Variants in IMPA1 observed in about 807,000 individuals in gnomAD.
IMPA1 encodes D-galactose 1-phosphate phosphatase.
In IMPA1, 21 loss-of-function variants were observed where a neutral mutation model predicts 34.9. The ratio of observed to expected loss-of-function variants is 0.60; its 90% CI spans 0.43 to 0.87. The LOEUF (loss-of-function observed/expected upper bound fraction) is 0.87. Among genes scored for constraint, IMPA1 ranks in the 40% least tolerant of loss-of-function variants. IMPA1 has a pLI of 0.00. For missense variants in IMPA1, 299 were observed against 336.4 expected (o/e 0.89, Z 0.87); for synonymous variants, 95 against 104.4 (o/e 0.91, Z 0.55).
chr8:81,658,497 CTAATTA>C lies in IMPA1; in HGVS notation c.*848_*853del. 1.3e-5 allele frequency: 2 copies of C among 152,492 alleles called. No homozygotes were observed. Among genetic ancestry groups the C allele is most frequent in the Non-Finnish European group, 2.9e-5 (2 of 68,008 alleles). 9.4% of individuals were successfully genotyped at this position (152,492 alleles called of 1,614,324 possible). Reference sequence around the variant, plus strand: ...AACTTAGTAAAATGTTATATTGTATCTAATTATGTCAGATATCTGATGAGAGTGCTT... The same window carrying C: ...AACTTAGTAAAATGTTATATTGTATCTGTCAGATATCTGATGAGAGTGCTT... On this transcript the variant is annotated 3_prime_UTR_variant, in exon 9 of 9. Transcript: ENST00000256108.
rs1807521066 is a variant in IMPA1, at chr8:81,686,193, T to C, written c.-25+59A>G. 3 of 1,007,750 alleles carry C rather than the reference T, an allele frequency of 3.0e-6. No homozygotes were observed. The South Asian group carries it at 1.1e-4, about 37-fold the overall frequency. 62.4% of individuals were successfully genotyped at this position (1,007,750 alleles called of 1,614,324 possible). A position where few individuals can be genotyped will look rare whatever the true frequency, so the allele number is the denominator to read the frequency against. ...CTCCTGAGGAGGGAAGGGGCCTCCC[T>C]GGAAACCCACAGCGCCCGCTGAACC... is the stretch of plus-strand genomic sequence containing the variant. On this transcript the variant is annotated intron_variant, in intron 1 of 8. Coordinates refer to ENST00000256108, the MANE Select transcript of IMPA1 (RefSeq NM_005536.4).
At chr8:81,670,049 T>C (rs921955821) in intron 7 of IMPA1, among the ~76,000 whole-genome samples, 7 of 152,338 alleles carry the variant, frequency 4.6e-5, no homozygotes, top group Middle Eastern at 3.4e-3. Flanking sequence ...ATGCAGCTCC[T>C]CAGCCTTGGG....
intron 4 of IMPA1, 74 bp downstream of exon 4, chr8:81,679,052 T>C: frequency 3.3e-6 from 3 of 899,670 alleles, no homozygotes; most frequent in African/African-American, 3.3e-5. Context: ...GTGTACATGT[T>C]CCTAAATAGA....
intron 4 of IMPA1, 95 bp downstream of exon 4, chr8:81,679,031 A>C: frequency 1.4e-6 from 1 of 740,344 alleles, no homozygotes; most frequent in Non-Finnish European, 2.3e-6. Context: ...CGAAGTATAC[A>C]ATTTTCTAAA....
chr8:81,678,835 G>A (rs1463019892), intron 4 of IMPA1: 1 of 295,876 alleles, frequency 3.4e-6, no homozygotes, highest in Non-Finnish European at 6.5e-6. Flanking sequence ...AAGCAGCAAT[G>A]TTGTTTGCTT....
At chr8:81,676,085 T>C (rs1807122432) in intron 5 of IMPA1, 149 bp downstream of exon 5, 1 of 382,550 alleles carries the variant, frequency 2.6e-6, no homozygotes, top group Non-Finnish European at 4.9e-6. Flanking sequence ...ATCATGAAAA[T>C]TTTAACAGTC....
chr8:81,675,962 A>G (rs1807119098), intron 5 of IMPA1, among the ~76,000 whole-genome samples: 1 of 152,262 alleles, frequency 6.6e-6, no homozygotes, highest in Non-Finnish European at 1.5e-5. Flanking sequence ...ATCTGACTCT[A>G]TCACACATAT....
In IMPA1 at chr8:81,663,922, C is replaced by T. The variant is rs184129519; in HGVS notation, c.567-3255G>A. Among the ~76,000 whole-genome samples, 1,118 of 152,088 alleles carry T rather than the reference C, an allele frequency of 7.4e-3. 10 individuals carry two copies. The highest frequency in any genetic ancestry group is 0.025 in the African/African-American group (1,022 of 41,478). On this transcript the variant is annotated intron_variant, in intron 7 of 8. Transcript: ENST00000256108. ...GGCGTGGTGGCGGGCACCTGTAGTC[C>T]CAGCTACTCCAGAGACAAAGGCAGG...
intron 3 of IMPA1, among the ~76,000 whole-genome samples, 158 bp from the exon 4 acceptor site, chr8:81,679,388 C>T (rs1362479890): frequency 3.9e-5 from 6 of 151,994 alleles, no homozygotes; most frequent in Admixed American, 6.5e-5. Context: ...CCAGGGAGGG[C>T]GGATCACCTG....
At chr8:81,666,558 T>C (rs956323482) in intron 7 of IMPA1, among the ~76,000 whole-genome samples, 2 of 152,020 alleles carry the variant, frequency 1.3e-5, no homozygotes, top group African/African-American at 4.8e-5. Flanking sequence ...TGGACAAAGA[T>C]TTATCAGGCA....
At chr8:81,668,012 A>G (rs1806883250) in intron 7 of IMPA1, among the ~76,000 whole-genome samples, 1 of 151,964 alleles carries the variant, frequency 6.6e-6, no homozygotes, top group Non-Finnish European at 1.5e-5. Flanking sequence ...TTTAGTAGAG[A>G]CAGGGTTTCA....
rs141622475 is a variant in IMPA1, at chr8:81,661,211, A to G, written c.567-544T>C. Reference sequence around the variant, plus strand: ...AGCACCTCTTCCTTGAATACAAGTTAAGTTGAATATAAATACACTTGATAG... The same window carrying G: ...AGCACCTCTTCCTTGAATACAAGTTGAGTTGAATATAAATACACTTGATAG... On this transcript the variant is annotated intron_variant, in intron 7 of 8. Coordinates refer to ENST00000256108, the MANE Select transcript of IMPA1 (RefSeq NM_005536.4). Among the ~76,000 whole-genome samples the G allele has an allele frequency of 2.6e-3, 393 of 152,328 alleles. 1 individual carries two copies. Among genetic ancestry groups the G allele is most frequent in the African/African-American group, 8.9e-3 (372 of 41,584 alleles).
At chr8:81,667,357 ATGTT>A (rs1199088838) in intron 7 of IMPA1, among the ~76,000 whole-genome samples, 1 of 152,172 alleles carries the variant, frequency 6.6e-6, no homozygotes, top group Non-Finnish European at 1.5e-5. Flanking sequence ...CTATGGTTGA[ATGTT>A]TGTCCCCTCC....
At chr8:81,667,943 C>T (rs1467855438) in intron 7 of IMPA1, among the ~76,000 whole-genome samples, 1 of 151,944 alleles carries the variant, frequency 6.6e-6, no homozygotes, top group Admixed American at 6.6e-5. Context: ...CCTGCCTCAG[C>T]CTCCGGAGTA....
rs542260659 is a variant in IMPA1, at chr8:81,666,075, T to C, written c.566+4864A>G. Among the ~76,000 whole-genome samples the C allele has an allele frequency of 3.9e-5, 6 of 152,280 alleles. No homozygotes were observed. In the South Asian group the frequency reaches 8.3e-4, roughly 21 times the overall value. ...AAGCGGGGTCATGGGTTGAAGAATA[T>C]GTAAATATAATATGTTCTGGCAAAG... On this transcript the variant is annotated intron_variant, in intron 7 of 8. Coordinates refer to ENST00000256108, the MANE Select transcript of IMPA1 (RefSeq NM_005536.4).
intron 6 of IMPA1, 83 bp from the exon 7 acceptor site, chr8:81,671,130 C>A: frequency 1.8e-6 from 1 of 560,488 alleles, no homozygotes. Flanking sequence ...CATTTGTATC[C>A]CTCTTCCTTG....
intron 1 of IMPA1, among the ~76,000 whole-genome samples, chr8:81,682,458 A>G (rs950662334): frequency 6.6e-6 from 1 of 152,204 alleles, no homozygotes; most frequent in African/African-American, 2.4e-5. Flanking sequence ...CTTGGGGCCC[A>G]CATTATAGGA....
intron 7 of IMPA1, among the ~76,000 whole-genome samples, chr8:81,666,926 A>T (rs1468065268): frequency 6.6e-6 from 1 of 151,636 alleles, no homozygotes; most frequent in Non-Finnish European, 1.5e-5. Flanking sequence ...TGTCAAAGTA[A>T]ATTTCAAGCA....
At chr8:81,659,571 TCA>T (rs1414991770) in intron 8 of IMPA1, 105 bp from the exon 9 acceptor site, 4 of 658,322 alleles carry the variant, frequency 6.1e-6, no homozygotes, top group East Asian at 2.7e-5. Context: ...TTTAATACTT[TCA>T]GTTTTCTTAA....
Sources: allele counts gnomAD v4.1 joint callset (sites outside exome capture counted in the v4.1 genomes callset), GRCh38; gene constraint gnomAD v4.1.1; transcripts MANE v1.5; gene names NCBI Gene and HGNC (gene_info 2026-07-23, HGNC 2026-07-21).